SLC4A10: variants seen among roughly 807,000 people sequenced by gnomAD.
SLC4A10 encodes sodium-driven chloride bicarbonate exchanger.
In SLC4A10, 42 loss-of-function variants were observed where a neutral mutation model predicts 137.7. That is an observed-to-expected ratio of 0.30 (90% confidence interval 0.24 to 0.39). SLC4A10 has a LOEUF of 0.39. Among genes scored for constraint, SLC4A10 ranks in the 10% least tolerant of loss-of-function variants. The pLI, the probability that SLC4A10 is intolerant of heterozygous loss-of-function variation, is 1.00. For synonymous variants in SLC4A10, 474 were observed against 464.1 expected (o/e 1.02, Z -0.27); for missense variants, 925 against 1,355.0 (o/e 0.68, Z 4.98).
chr2:161,889,992 T>G (rs2062747820), intron 10 of SLC4A10, among the ~76,000 whole-genome samples: 1 of 152,230 alleles, frequency 6.6e-6, no homozygotes, highest in Non-Finnish European at 1.5e-5. Flanking sequence ...GTTGTGTCTT[T>G]GTTCTCATTG....
At chr2:161,849,036 C>G (rs1169707131) in intron 4 of SLC4A10, among the ~76,000 whole-genome samples, 3 of 152,210 alleles carry the variant, frequency 2.0e-5, no homozygotes, top group Admixed American at 6.5e-5. Flanking sequence ...TATCCATGAG[C>G]ATGGAATGTT....
intron 2 of SLC4A10, among the ~76,000 whole-genome samples, chr2:161,794,666 C>T (rs1191806529): frequency 6.6e-6 from 1 of 152,120 alleles, no homozygotes; most frequent in Non-Finnish European, 1.5e-5. Context: ...TGAGGTTGTT[C>T]CGTCTCTATG....
intron 1 of SLC4A10, among the ~76,000 whole-genome samples, chr2:161,693,582 T>G (rs1213134242): frequency 6.6e-6 from 1 of 151,884 alleles, no homozygotes; most frequent in Non-Finnish European, 1.5e-5. Flanking sequence ...AAATCAAAGT[T>G]TGTACCATTT....
chr2:161,662,707 C>T (rs1316023584), intron 1 of SLC4A10, among the ~76,000 whole-genome samples: 2 of 152,166 alleles, frequency 1.3e-5, no homozygotes, highest in Admixed American at 6.5e-5. Flanking sequence ...AAATTTACCT[C>T]TAGGCCTTAG....
At chr2:161,699,256 G>A (rs576266490) in intron 1 of SLC4A10, among the ~76,000 whole-genome samples, 67 of 152,198 alleles carry the variant, frequency 4.4e-4, no homozygotes, top group Non-Finnish European at 8.1e-4. Flanking sequence ...TCCTGACCTC[G>A]TGATCTGTCG....
intron 15 of SLC4A10, among the ~76,000 whole-genome samples, chr2:161,919,066 G>C (rs1202298326): frequency 6.6e-6 from 1 of 152,204 alleles, no homozygotes; most frequent in Non-Finnish European, 1.5e-5. Context: ...TGATTTTGGA[G>C]CAAAGTTGTG....
intron 1 of SLC4A10, among the ~76,000 whole-genome samples, chr2:161,744,044 C>G (rs1321283504): frequency 6.6e-6 from 1 of 151,994 alleles, no homozygotes; most frequent in Non-Finnish European, 1.5e-5. Context: ...GGAGTCTTTA[C>G]TTTCTTTCCA....
Position 161,916,940 on chromosome 2 carries a change from T to C in SLC4A10, c.1997+11053T>C, listed in dbSNP as rs371512313. Among the ~76,000 whole-genome samples the C allele has an allele frequency of 6.6e-5, 10 of 152,200 alleles. No homozygotes were observed. In the East Asian group the frequency reaches 1.2e-3, roughly 18 times the overall value. ...ATTTATATACAATAAAATTTACCAC[T>C]TTGAAGTATGCCCTTAAGTGAGTTT... is the stretch of plus-strand genomic sequence containing the variant. On this transcript the variant is annotated intron_variant, in intron 15 of 26. Transcript: ENST00000446997.
intron 1 of SLC4A10, among the ~76,000 whole-genome samples, chr2:161,712,431 G>C (rs16846064): frequency 0.075 from 11,332 of 151,466 alleles, 531 homozygotes; most frequent in East Asian, 0.14. Flanking sequence ...AAAATAATAG[G>C]GGCAAATTTA....
At chr2:161,685,099 A>G (rs570885193) in intron 1 of SLC4A10, among the ~76,000 whole-genome samples, 4 of 152,284 alleles carry the variant, frequency 2.6e-5, no homozygotes, top group East Asian at 1.9e-4. Flanking sequence ...TGGGAACTCA[A>G]TTTTGCTAGA....
intron 4 of SLC4A10, among the ~76,000 whole-genome samples, chr2:161,846,957 G>T (rs915474871): frequency 3.3e-5 from 5 of 151,956 alleles, no homozygotes; most frequent in Non-Finnish European, 7.4e-5. Flanking sequence ...TGGAGGCAGG[G>T]CATGGTGGCT....
intron 3 of SLC4A10, among the ~76,000 whole-genome samples, chr2:161,819,587 C>A (rs1011968165): frequency 2.6e-5 from 4 of 151,856 alleles, no homozygotes; most frequent in Non-Finnish European, 5.9e-5. Flanking sequence ...CTCTGCCTCC[C>A]TGGTTCAAGC....
At chr2:161,760,895 T>A (rs1660675922) in intron 1 of SLC4A10, among the ~76,000 whole-genome samples, 1 of 151,662 alleles carries the variant, frequency 6.6e-6, no homozygotes, top group Admixed American at 6.6e-5. Flanking sequence ...ATATATAACA[T>A]ACATAGGTAT....
chr2:161,644,984 A>C (rs144149747), intron 1 of SLC4A10, among the ~76,000 whole-genome samples: 125 of 152,322 alleles, frequency 8.2e-4, no homozygotes, highest in African/African-American at 2.8e-3. Flanking sequence ...TGCTTTATAC[A>C]ATAAATGATG....
chr2:161,916,339 C>T (rs758206028), intron 15 of SLC4A10, among the ~76,000 whole-genome samples: 2 of 152,182 alleles, frequency 1.3e-5, no homozygotes, highest in Non-Finnish European at 2.9e-5. Context: ...TTTCACACAT[C>T]CAGATTTCCT....
chr2:161,739,546 C>T (rs545504181), intron 1 of SLC4A10, among the ~76,000 whole-genome samples: 1 of 152,298 alleles, frequency 6.6e-6, no homozygotes, highest in South Asian at 2.1e-4. Context: ...GCACTCTGAA[C>T]ATTTGCATCT....
At chr2:161,768,991 G>A (rs1255804147) in intron 1 of SLC4A10, among the ~76,000 whole-genome samples, 3 of 151,924 alleles carry the variant, frequency 2.0e-5, no homozygotes, top group Non-Finnish European at 4.4e-5. Context: ...GGCCCTCCTG[G>A]TATGGGCGAG....
chr2:161,840,787 C>T (rs1174940242), intron 4 of SLC4A10, among the ~76,000 whole-genome samples: 3 of 152,162 alleles, frequency 2.0e-5, no homozygotes, highest in Non-Finnish European at 4.4e-5. Flanking sequence ...CTACCAATCA[C>T]CTGGAATATT....
chr2:161,735,247 T>C (rs1279484682), intron 1 of SLC4A10, among the ~76,000 whole-genome samples: 1 of 150,838 alleles, frequency 6.6e-6, no homozygotes, highest in African/African-American at 2.4e-5. Flanking sequence ...AACTGTTTTA[T>C]ATTAGTATTT....
Sources: gnomAD v4.1 joint callset for allele counts (sites outside exome capture counted in the v4.1 genomes callset) on GRCh38, gnomAD v4.1.1 for gene constraint, MANE v1.5 for transcripts, NCBI Gene and HGNC (gene_info 2026-07-23, HGNC 2026-07-21) for gene names.